The following BABAM2 variants were observed in gnomAD, a reference collection of about 807,000 sequenced individuals.
The protein encoded by BABAM2 is BRISC and BRCA1 A complex member 2.
Under a neutral mutation model 54.7 loss-of-function variants are expected in BABAM2, and 31 were observed. The ratio of observed to expected loss-of-function variants is 0.57; its 90% CI spans 0.43 to 0.77. The LOEUF is 0.77. BABAM2 is among the 30% of genes least tolerant of loss of function. The pLI is 0.00. For missense variants in BABAM2, 364 were observed against 455.8 expected (o/e 0.80, Z 1.83); for synonymous variants, 167 against 162.9 (o/e 1.03, Z -0.19).
chr2:28,171,091 A>G (rs1232216932), intron 7 of BABAM2, among the ~76,000 whole-genome samples: 2 of 147,078 alleles, frequency 1.4e-5, no homozygotes, highest in Non-Finnish European at 3.0e-5. Flanking sequence ...TGTACATACT[A>G]CGTTGCAGTC....
At chr2:28,319,889 A>G (rs1689877875) in intron 11 of BABAM2, among the ~76,000 whole-genome samples, 2 of 152,128 alleles carry the variant, frequency 1.3e-5, no homozygotes, top group Non-Finnish European at 1.5e-5. Flanking sequence ...AGACAGGCTC[A>G]CGGTGGGGGA....
At chr2:28,095,505 C>T (rs753625371) in intron 6 of BABAM2, among the ~76,000 whole-genome samples, 12 of 152,098 alleles carry the variant, frequency 7.9e-5, no homozygotes, top group Non-Finnish European at 1.8e-4. Flanking sequence ...TGGAGACAAG[C>T]GAAGCCTTCT....
intron 6 of BABAM2, among the ~76,000 whole-genome samples, chr2:28,082,090 A>G (rs576231222): frequency 6.0e-5 from 9 of 148,820 alleles, no homozygotes; most frequent in African/African-American, 1.5e-4. Flanking sequence ...TCATGATGTG[A>G]CAGTGGCATA....
intron 4 of BABAM2, among the ~76,000 whole-genome samples, chr2:27,999,643 G>A (rs1558647516): frequency 6.6e-6 from 1 of 152,180 alleles, no homozygotes. Context: ...AAACTTTTGT[G>A]AGATGTTCAT....
intron 7 of BABAM2, among the ~76,000 whole-genome samples, chr2:28,176,841 CAAAA>C (rs370551860): frequency 4.0e-5 from 2 of 49,388 alleles, no homozygotes; most frequent in African/African-American, 6.0e-5. Context: ...CCAGTCAGAA[CAAAA>C]AAAAAAAAAA....
chr2:28,313,220 T>A (rs1226096537), intron 11 of BABAM2, among the ~76,000 whole-genome samples: 2 of 151,834 alleles, frequency 1.3e-5, no homozygotes, highest in Non-Finnish European at 2.9e-5. Flanking sequence ...ACCAAGTACT[T>A]TTAAGAGAAG....
intron 4 of BABAM2, among the ~76,000 whole-genome samples, chr2:27,988,922 G>A (rs540433894): frequency 1.1e-4 from 17 of 151,970 alleles, no homozygotes; most frequent in African/African-American, 2.7e-4. Context: ...AAGTTTTATT[G>A]TTAAAAGTTT....
intron 6 of BABAM2, among the ~76,000 whole-genome samples, chr2:28,126,150 AT>A (rs1199832671): frequency 6.8e-6 from 1 of 147,792 alleles, no homozygotes; most frequent in African/African-American, 2.7e-5. Flanking sequence ...ATTTTATTTT[AT>A]TATTATTATA....
intron 5 of BABAM2, among the ~76,000 whole-genome samples, chr2:28,044,355 G>A (rs895570511): frequency 2.0e-5 from 3 of 151,978 alleles, no homozygotes; most frequent in Non-Finnish European, 2.9e-5. Context: ...TCAGCCTCCC[G>A]AGTAGCTGGG....
intron 11 of BABAM2, chr2:28,307,556 A>G (rs1207121189): frequency 1.3e-5 from 2 of 152,090 alleles, no homozygotes; most frequent in Non-Finnish European, 2.9e-5. Flanking sequence ...CCGTTAACTT[A>G]TCACAGCCTA....
At chr2:27,933,764 GTTT>G (rs59022185) in intron 3 of BABAM2, among the ~76,000 whole-genome samples, 1 of 110,886 alleles carries the variant, frequency 9.0e-6, no homozygotes, top group Non-Finnish European at 1.9e-5. Flanking sequence ...TGCCTGGCTT[GTTT>G]TTTTTTTTTT....
At chr2:28,147,709 G>T (rs968091056) in intron 7 of BABAM2, among the ~76,000 whole-genome samples, 1 of 152,128 alleles carries the variant, frequency 6.6e-6, no homozygotes, top group Non-Finnish European at 1.5e-5. Context: ...TCCTGACCTC[G>T]TGATCCACCC....
At chr2:28,110,320 A>G (rs80218638) in intron 6 of BABAM2, among the ~76,000 whole-genome samples, 1,955 of 152,250 alleles carry the variant, frequency 0.013, 39 homozygotes, top group African/African-American at 0.045. Flanking sequence ...AATGTGAATA[A>G]TGCTATTATA....
intron 10 of BABAM2, among the ~76,000 whole-genome samples, chr2:28,246,001 A>G (rs1250439513): frequency 1.3e-5 from 2 of 152,236 alleles, no homozygotes; most frequent in Non-Finnish European, 2.9e-5. Flanking sequence ...AAAACGTCTA[A>G]GTAAAACCTT....
intron 4 of BABAM2, among the ~76,000 whole-genome samples, chr2:28,009,219 C>A (rs1325620117): frequency 6.6e-6 from 1 of 151,992 alleles, no homozygotes; most frequent in Non-Finnish European, 1.5e-5. Flanking sequence ...TCACCCCAGG[C>A]ATACTTAATC....
At chr2:28,180,196 A>C (rs1484902304) in intron 7 of BABAM2, among the ~76,000 whole-genome samples, 1 of 152,158 alleles carries the variant, frequency 6.6e-6, no homozygotes, top group Admixed American at 6.6e-5. Flanking sequence ...TGAAGGCATC[A>C]CACTACCTAA....
chr2:28,100,756 G>T (rs1277093911), intron 6 of BABAM2, among the ~76,000 whole-genome samples: 1 of 152,132 alleles, frequency 6.6e-6, no homozygotes, highest in Non-Finnish European at 1.5e-5. Flanking sequence ...AAAGCTCGAT[G>T]CCAAATGAAG....
At position 28,134,172 on chromosome 2, in the gene BABAM2, T is replaced by TA. The variant is rs1270077277; in HGVS notation, c.680+4806dup. On this transcript the variant is annotated intron_variant, in intron 7 of 11. Transcript: ENST00000379624. The stretch of plus-strand genomic sequence containing the variant: ...TTAGACACGAGTAAGTTCTGTTAAT[T>TA]AAAAAAAAAAAAAAGTCAATGGTGA... 2.2e-3 allele frequency among the ~76,000 whole-genome samples: 107 copies of TA among 47,664 alleles called. 1 individual carries two copies. The highest frequency in any genetic ancestry group is 3.2e-3 in the South Asian group (6 of 1,886). The allele number at this position is 47,664 out of a possible 152,430, so 31.3% of individuals were successfully genotyped here.
chr2:28,102,296 G>A (rs533313853), intron 6 of BABAM2, among the ~76,000 whole-genome samples: 6 of 152,272 alleles, frequency 3.9e-5, no homozygotes, highest in African/African-American at 1.4e-4. Flanking sequence ...CAGCTGTGCC[G>A]TTGTAAATTT....
Sources: allele counts gnomAD v4.1 joint callset (sites outside exome capture counted in the v4.1 genomes callset), GRCh38; gene constraint gnomAD v4.1.1; transcripts MANE v1.5; gene names NCBI Gene and HGNC (gene_info 2026-07-23, HGNC 2026-07-21).